The following NR5A2 variants were observed in gnomAD, a reference collection of about 807,000 sequenced individuals.
NR5A2 encodes nuclear receptor subfamily 5 group A member 2, also known as CYP7A promoter-binding factor.
A neutral mutation model predicts 62.7 loss-of-function variants in NR5A2; 26 were observed. That is an observed-to-expected ratio of 0.41 (90% CI 0.30 to 0.58). The LOEUF (loss-of-function observed/expected upper bound fraction) is 0.58. Ranked by LOEUF, NR5A2 falls within the 20% of genes least tolerant of loss-of-function variation. NR5A2 has a pLI of 0.22. For synonymous variants in NR5A2, 246 were observed against 241.7 expected (o/e 1.02, Z -0.16); for missense variants, 541 against 669.1 (o/e 0.81, Z 2.11).
intron 7 of NR5A2, among the ~76,000 whole-genome samples, chr1:200,150,135 C>T (rs1652998573): frequency 1.3e-5 from 2 of 152,126 alleles, no homozygotes; most frequent in Non-Finnish European, 2.9e-5. Flanking sequence ...AGCACTCTCT[C>T]CTATACTTCT....
chr1:200,080,520 A>G (rs922437333), intron 5 of NR5A2, among the ~76,000 whole-genome samples: 2 of 152,214 alleles, frequency 1.3e-5, no homozygotes, highest in African/African-American at 2.4e-5. Flanking sequence ...TATGGCAAGC[A>G]TTAAGGAAAA....
In NR5A2 at chr1:200,174,906, T is replaced by C. The variant is rs1654350518; in HGVS notation, c.*696T>C. The C allele has an allele frequency of 6.5e-6, 1 of 152,676 alleles. No individual in the cohort carries two copies. Among genetic ancestry groups the C allele is most frequent in the Non-Finnish European group, 1.5e-5 (1 of 68,046 alleles). The allele number at this position is 152,676 out of a possible 1,614,324, so 9.5% of individuals were successfully genotyped here. ...AATATGTTCTGAGGGTTGTTTTGTC[T>C]CGTGTTCATGATGTTAAGAAAATGC... On this transcript the variant is annotated 3_prime_UTR_variant, in exon 8 of 8. Transcript: ENST00000367362.
intron 5 of NR5A2, among the ~76,000 whole-genome samples, chr1:200,100,936 T>A (rs1416178961): frequency 1.3e-5 from 2 of 152,208 alleles, no homozygotes; most frequent in African/African-American, 4.8e-5. Flanking sequence ...TTATGGAGCT[T>A]ATTTTGGGGC....
rs1003758025 is a variant in NR5A2 at position 200,064,704 on chromosome 1, T to C, written c.1110+15886T>C. Among the ~76,000 whole-genome samples, 9 of 152,340 alleles carry C rather than the reference T, an allele frequency of 5.9e-5. No individual in the cohort carries two copies. In the South Asian group the frequency reaches 8.3e-4, roughly 14 times the overall value. On this transcript the variant is annotated intron_variant, in intron 5 of 7. Transcript: ENST00000367362. Reference sequence around the variant, plus strand: ...TAATGTCATGATTTCGGTCCTGGTATAGGATTTTCCTTAATTGCCAGCATT... The same window carrying C: ...TAATGTCATGATTTCGGTCCTGGTACAGGATTTTCCTTAATTGCCAGCATT...
intron 5 of NR5A2, among the ~76,000 whole-genome samples, chr1:200,063,195 TG>T (rs1157992553): frequency 6.6e-6 from 1 of 150,828 alleles, no homozygotes; most frequent in African/African-American, 2.5e-5. Flanking sequence ...AGCTAATTTT[TG>T]TTTTTTTTTA....
At chr1:200,159,799 G>A (rs66475069) in intron 7 of NR5A2, among the ~76,000 whole-genome samples, 11,993 of 151,654 alleles carry the variant, frequency 0.079, 588 homozygotes, top group African/African-American at 0.13. Context: ...TTACAGGCGC[G>A]AGCCACCAGC....
Position 200,147,622 on chromosome 1 carries a change from C to T in NR5A2, c.1379-26341C>T, listed in dbSNP as rs148622635. On this transcript the variant is annotated intron_variant, in intron 7 of 7. Transcript: ENST00000367362. The surrounding 1 kb of genome is among the most constrained non-coding windows in gnomAD (Gnocchi z 4.9). ...GAGCACATTTTCGCACAGGCAGCGC[C>T]GCAGCTTGCCCTGGATCTTGTCGAT... 7.2e-4 allele frequency: 513 copies of T among 715,392 alleles called. 3 individuals carry two copies. The African/African-American group carries it at 8.4e-3, about 12-fold the overall frequency. The allele number at this position is 715,392 out of a possible 1,614,324, so 44.3% of individuals were successfully genotyped here.
chr1:200,070,679 CA>C (rs34685659), intron 5 of NR5A2, among the ~76,000 whole-genome samples: 136 of 133,528 alleles, frequency 1.0e-3, no homozygotes, highest in East Asian at 1.1e-3. Context: ...GACTCTGTCT[CA>C]AAAAAAAAAA....
rs148004971 is a variant in NR5A2 at position 200,134,256 on chromosome 1, A to C, written c.1378+13301A>C. Among the ~76,000 whole-genome samples, 494 of 152,352 alleles carry C rather than the reference A, an allele frequency of 3.2e-3. 1 individual carries two copies. Among genetic ancestry groups the C allele is most frequent in the African/African-American group, 0.012 (485 of 41,582 alleles). On this transcript the variant is annotated intron_variant, in intron 7 of 7. Coordinates refer to ENST00000367362, the MANE Select transcript of NR5A2 (RefSeq NM_205860.3). Reference sequence around the variant, plus strand: ...GTACACTGTTTATAAAGTCTGCAGTAGTCTACAGGAATGTCCTGTACCTTC... The same window carrying C: ...GTACACTGTTTATAAAGTCTGCAGTCGTCTACAGGAATGTCCTGTACCTTC...
At chr1:200,105,745 A>C (rs1289427538) in intron 5 of NR5A2, among the ~76,000 whole-genome samples, 1 of 152,100 alleles carries the variant, frequency 6.6e-6, no homozygotes, top group Admixed American at 6.6e-5. Flanking sequence ...TGAGTCTAGG[A>C]GTTCAAAACC....
chr1:200,028,283 T>C (rs1661418306), intron 1 of NR5A2, among the ~76,000 whole-genome samples: 1 of 152,104 alleles, frequency 6.6e-6, no homozygotes, highest in South Asian at 2.1e-4. Flanking sequence ...TATTGAGTGA[T>C]CATTGATCAA....
intron 7 of NR5A2, among the ~76,000 whole-genome samples, chr1:200,148,635 A>G (rs1667836365): frequency 6.6e-6 from 1 of 152,250 alleles, no homozygotes. Context: ...AAGTTAAGTG[A>G]AGCGCAAATT....
chr1:200,142,387 T>C (rs978814506), intron 7 of NR5A2, among the ~76,000 whole-genome samples: 1 of 151,782 alleles, frequency 6.6e-6, no homozygotes. Context: ...TTTATAGAGA[T>C]GGGGTTTCCC....
intron 7 of NR5A2, among the ~76,000 whole-genome samples, chr1:200,135,151 C>T (rs1667153093): frequency 6.6e-6 from 1 of 152,200 alleles, no homozygotes. Flanking sequence ...GCCCATGCTC[C>T]AAGCCAGGGC....
chr1:200,065,989 C>A (rs1034981495), intron 5 of NR5A2, among the ~76,000 whole-genome samples: 13 of 152,244 alleles, frequency 8.5e-5, no homozygotes, highest in African/African-American at 3.1e-4. Context: ...TGACAAGGTC[C>A]AGCTCCTGGA....
chr1:200,057,830 T>G (rs2102187728), intron 5 of NR5A2: 1 of 165,164 alleles, frequency 6.1e-6, no homozygotes, highest in Middle Eastern at 2.9e-3. Flanking sequence ...GGAGTTACAC[T>G]CTTGTTGCCT....
chr1:200,074,156 A>G (rs116689671), intron 5 of NR5A2, among the ~76,000 whole-genome samples: 2,267 of 152,314 alleles, frequency 0.015, 54 homozygotes, highest in African/African-American at 0.051. Flanking sequence ...GTCTATTAGT[A>G]ATGAAATGAT....
At chr1:200,117,106 T>C (rs921957068) in intron 6 of NR5A2, among the ~76,000 whole-genome samples, 7 of 152,218 alleles carry the variant, frequency 4.6e-5, no homozygotes. Flanking sequence ...GGGACATCAG[T>C]TTAGAGTATT....
chr1:200,111,336 CAAA>C lies in NR5A2; in HGVS notation c.1230+28_1230+30del, dbSNP rs76894039. On this transcript the variant is annotated intron_variant, in intron 6 of 7. Coordinates refer to ENST00000367362, the MANE Select transcript of NR5A2 (RefSeq NM_205860.3). Reference sequence around the variant, plus strand: ...CTGGGCAACAAGTGAGTGTAGAGACCAAAAAAAAAAAAAAAGCATCTTTTTATT... The same window carrying C: ...CTGGGCAACAAGTGAGTGTAGAGACCAAAAAAAAAAAAGCATCTTTTTATT... 1.7e-3 allele frequency: 2,442 copies of C among 1,396,206 alleles called. No homozygotes were observed. The highest frequency in any genetic ancestry group is 5.4e-3 in the South Asian group (380 of 70,028). The allele number at this position is 1,396,206 out of a possible 1,614,324, so 86.5% of individuals were successfully genotyped here. A position where few individuals can be genotyped will look rare whatever the true frequency, so the allele number is the denominator to read the frequency against.
Sources: allele counts gnomAD v4.1 joint callset (sites outside exome capture counted in the v4.1 genomes callset), GRCh38; gene constraint gnomAD v4.1.1; non-coding constraint Gnocchi (gnomAD v3.1); transcripts MANE v1.5; gene names NCBI Gene and HGNC (gene_info 2026-07-23, HGNC 2026-07-21).